EXT2: variants seen among roughly 807,000 people sequenced by gnomAD.
EXT2 encodes exostosin-2.
In EXT2, 53 loss-of-function variants were observed where a neutral mutation model predicts 81.6. That is an observed-to-expected ratio of 0.65 (90% CI 0.52 to 0.82). The LOEUF (loss-of-function observed/expected upper bound fraction) is 0.82. Ranked by LOEUF, EXT2 falls within the 40% of genes least tolerant of loss-of-function variation. EXT2 has a pLI of 0.00. For missense variants in EXT2, 774 were observed against 910.2 expected (o/e 0.85, Z 1.93); for synonymous variants, 320 against 340.0 (o/e 0.94, Z 0.65).
At chr11:44,193,883 T>C (rs1442032659) in intron 8 of EXT2, among the ~76,000 whole-genome samples, 1 of 152,140 alleles carries the variant, frequency 6.6e-6, no homozygotes, top group African/African-American at 2.4e-5. Flanking sequence ...AAAGTTACTG[T>C]CCACTTCCCA....
chr11:44,168,997 G>A (rs533415294), intron 7 of EXT2, among the ~76,000 whole-genome samples: 5 of 152,144 alleles, frequency 3.3e-5, no homozygotes, highest in South Asian at 2.1e-4. Context: ...CAAGGCAGGC[G>A]GATCACAAGA....
chr11:44,130,148 C>G lies in EXT2; in HGVS notation c.1173+10C>G, dbSNP rs1954471478. The G allele has an allele frequency of 6.2e-7, 1 of 1,610,646 alleles. No individual in the cohort carries two copies. The highest frequency in any genetic ancestry group is 8.5e-7 in the Non-Finnish European group (1 of 1,177,098). Reference sequence around the variant, plus strand: ...AGAAATGCAGAGACAGGTAAGAGGCCAAGTCTTGGGGAGGTGACATGGGTG... The same window carrying G: ...AGAAATGCAGAGACAGGTAAGAGGCGAAGTCTTGGGGAGGTGACATGGGTG... On this transcript the variant is annotated intron_variant, in intron 7 of 13. Coordinates refer to ENST00000533608, the MANE Select transcript of EXT2 (RefSeq NM_207122.2).
chr11:44,110,222 A>G (rs1954123515), intron 3 of EXT2, among the ~76,000 whole-genome samples: 1 of 152,216 alleles, frequency 6.6e-6, no homozygotes. Flanking sequence ...ATTTATGAAA[A>G]TCGACACTTA....
At chr11:44,140,236 C>T (rs868662549) in intron 7 of EXT2, among the ~76,000 whole-genome samples, 21 of 152,290 alleles carry the variant, frequency 1.4e-4, no homozygotes, top group African/African-American at 4.3e-4. Context: ...CCTCTGCTTG[C>T]GTGTCTTTGC....
intron 4 of EXT2, among the ~76,000 whole-genome samples, chr11:44,119,157 T>TACACACACACACACAC (rs1565201239): frequency 2.5e-5 from 1 of 39,624 alleles, no homozygotes; most frequent in Non-Finnish European, 5.7e-5. Flanking sequence ...TATATATATA[T>TACACACACACACACAC]ATATATATAT....
At chr11:44,113,083 T>C (rs1162628013) in intron 3 of EXT2, among the ~76,000 whole-genome samples, 1 of 152,208 alleles carries the variant, frequency 6.6e-6, no homozygotes. Context: ...AGGATAGTTA[T>C]TACATTTTAC....
chr11:44,230,593 G>T (rs543133037), intron 10 of EXT2, among the ~76,000 whole-genome samples: 1 of 152,148 alleles, frequency 6.6e-6, no homozygotes. Flanking sequence ...ACTTGCACAG[G>T]GGGGAAGATG....
intron 1 of EXT2, among the ~76,000 whole-genome samples, chr11:44,102,387 G>A (rs1590541329): frequency 6.6e-6 from 1 of 151,988 alleles, no homozygotes; most frequent in African/African-American, 2.4e-5. Context: ...AGGAGCCCCT[G>A]TTGCCCACTG....
At chr11:44,218,045 T>C (rs1955739755) in intron 10 of EXT2, among the ~76,000 whole-genome samples, 2 of 152,226 alleles carry the variant, frequency 1.3e-5, no homozygotes, top group Admixed American at 6.5e-5. Flanking sequence ...ACACAAAATA[T>C]TGATGCTCTC....
At chr11:44,101,826 G>C (rs1478334311) in intron 1 of EXT2, among the ~76,000 whole-genome samples, 1 of 151,912 alleles carries the variant, frequency 6.6e-6, no homozygotes, top group Non-Finnish European at 1.5e-5. Context: ...ATAGTGCCCA[G>C]AATGGGCAGC....
At chr11:44,156,046 T>C (rs1321224995) in intron 7 of EXT2, among the ~76,000 whole-genome samples, 3 of 152,202 alleles carry the variant, frequency 2.0e-5, no homozygotes, top group Admixed American at 6.5e-5. Flanking sequence ...ATATGTCATG[T>C]CACTTTCTTC....
chr11:44,232,615 G>A (rs1955913059), intron 11 of EXT2, 119 bp downstream of exon 11: 8 of 1,268,846 alleles, frequency 6.3e-6, no homozygotes, highest in Non-Finnish European at 7.7e-6. Context: ...TTGTGTGACA[G>A]TATTTTACAA....
intron 10 of EXT2, among the ~76,000 whole-genome samples, chr11:44,214,777 G>T (rs1955697153): frequency 6.6e-6 from 1 of 150,908 alleles, no homozygotes; most frequent in Non-Finnish European, 1.5e-5. Context: ...AAAGACAGAG[G>T]GTCTCACTCT....
At chr11:44,103,734 G>C in intron 1 of EXT2, 1 of 393,702 alleles carries the variant, frequency 2.5e-6, no homozygotes, top group Non-Finnish European at 4.9e-6. Flanking sequence ...GTTTCTCCTT[G>C]AGATGCTTTT....
intron 8 of EXT2, among the ~76,000 whole-genome samples, chr11:44,177,376 T>G (rs549040220): frequency 1.1e-3 from 167 of 152,376 alleles, no homozygotes; most frequent in African/African-American, 3.8e-3. Flanking sequence ...CTAACTTTTA[T>G]GTCATTTCTG....
intron 7 of EXT2, among the ~76,000 whole-genome samples, chr11:44,139,892 G>T (rs1234324656): frequency 6.6e-6 from 1 of 152,156 alleles, no homozygotes; most frequent in Non-Finnish European, 1.5e-5. Context: ...CAGGAGCTCA[G>T]GCAGGCGTGT....
chr11:44,192,164 G>C (rs940602537), intron 8 of EXT2, among the ~76,000 whole-genome samples: 1 of 152,116 alleles, frequency 6.6e-6, no homozygotes, highest in African/African-American at 2.4e-5. Context: ...TCACTGTCTT[G>C]TCAGCAAATC....
chr11:44,122,137 A>T (rs1466528885), intron 4 of EXT2, among the ~76,000 whole-genome samples: 2 of 152,294 alleles, frequency 1.3e-5, no homozygotes, highest in African/African-American at 4.8e-5. Flanking sequence ...AAGGCTCCAG[A>T]AACATCCATG....
In EXT2 at chr11:44,220,965, A is replaced by G. The variant is rs1955774769; in HGVS notation, c.1663-11388A>G. On this transcript the variant is annotated intron_variant, in intron 10 of 13. Coordinates refer to ENST00000533608, the MANE Select transcript of EXT2 (RefSeq NM_207122.2). The surrounding 1 kb of genome is among the most constrained non-coding windows in gnomAD (Gnocchi z 4.4). ...TTGCTGAACATTGAAATAACATCTG[A>G]TCATTGAAAAAAAGCACCTAGTTGG... Among the ~76,000 whole-genome samples, 2 of 152,194 alleles carry G rather than the reference A, an allele frequency of 1.3e-5. No homozygotes were observed. Among genetic ancestry groups the G allele is most frequent in the East Asian group, 3.8e-4 (2 of 5,196 alleles).
Sources: allele counts gnomAD v4.1 joint callset (sites outside exome capture counted in the v4.1 genomes callset), GRCh38; gene constraint gnomAD v4.1.1; non-coding constraint Gnocchi (gnomAD v3.1); transcripts MANE v1.5; gene names NCBI Gene and HGNC (gene_info 2026-07-23, HGNC 2026-07-21).